Variants in TDRD12 observed in about 807,000 individuals in gnomAD.
TDRD12 encodes tudor domain containing 12.
In TDRD12, 158 loss-of-function variants were observed where a neutral mutation model predicts 133.5. That is an observed-to-expected ratio of 1.18 (90% CI 1.04 to 1.35). TDRD12 has a LOEUF of 1.35. TDRD12 is among the 40% of genes most tolerant of loss of function. The pLI is 0.00. For synonymous variants in TDRD12, 460 were observed against 477.9 expected (o/e 0.96, Z 0.49); for missense variants, 1,443 against 1,321.3 (o/e 1.09, Z -1.43).
At chr19:32,796,042 GAGAA>G (rs1279987581) in intron 14 of TDRD12, 2 of 492,940 alleles carry the variant, frequency 4.1e-6, no homozygotes, top group East Asian at 1.5e-4. Flanking sequence ...CCATTTCACT[GAGAA>G]AGAGGTGGTG....
intron 8 of TDRD12, among the ~76,000 whole-genome samples, chr19:32,768,006 T>C (rs1370662213): frequency 6.6e-6 from 1 of 152,196 alleles, no homozygotes; most frequent in Non-Finnish European, 1.5e-5. Context: ...TTATATGAAA[T>C]TGAAATCTCA....
rs1237885106 is a variant in TDRD12 at position 32,734,101 on chromosome 19, T to C, written c.183+2218T>C. Among the ~76,000 whole-genome samples the C allele has an allele frequency of 2.0e-5, 3 of 151,950 alleles. No individual in the cohort carries two copies. The East Asian group carries it at 5.8e-4, about 29-fold the overall frequency. ...TAGTAGAGATGGGATTTCACCCTGGTAGCCAGGATGGTCTTGATCTCCTGA... is the reference window on the plus strand; with the variant it reads ...TAGTAGAGATGGGATTTCACCCTGGCAGCCAGGATGGTCTTGATCTCCTGA... On this transcript the variant is annotated intron_variant, in intron 2 of 27. Coordinates refer to ENST00000444215, the Ensembl canonical transcript of TDRD12.
intron 26 of TDRD12, among the ~76,000 whole-genome samples, chr19:32,816,689 T>C (rs2145744794): frequency 6.6e-6 from 1 of 152,286 alleles, no homozygotes; most frequent in African/African-American, 2.4e-5. Context: ...CCAATAGTGT[T>C]CCAAAGTGGC....
chr19:32,825,993 C>T, downstream of TDRD12: 1 of 737,888 alleles, frequency 1.4e-6, no homozygotes, highest in Non-Finnish European at 2.2e-6. The surrounding 1 kb of genome is among the most constrained non-coding windows in gnomAD (Gnocchi z 4.1). Flanking sequence ...TGTGATTCCT[C>T]ATCTAGACGT....
At chr19:32,795,874 C>A (rs1971211375) in intron 14 of TDRD12, among the ~76,000 whole-genome samples, 1 of 152,074 alleles carries the variant, frequency 6.6e-6, no homozygotes, top group Admixed American at 6.6e-5. Context: ...GTGCCACATA[C>A]CTTTAAACAC....
chr19:32,771,057 C>G (rs561265030), intron 8 of TDRD12, among the ~76,000 whole-genome samples: 98 of 152,312 alleles, frequency 6.4e-4, no homozygotes, highest in African/African-American at 2.2e-3. Context: ...ATAGAGCTGG[C>G]ATCTGCTTAT....
intron 13 of TDRD12, among the ~76,000 whole-genome samples, chr19:32,793,247 A>T (rs2145670887): frequency 6.6e-6 from 1 of 152,166 alleles, no homozygotes; most frequent in East Asian, 1.9e-4. Flanking sequence ...AGAGGTCCTT[A>T]CTCAAACTGT....
intron 19 of TDRD12, among the ~76,000 whole-genome samples, chr19:32,802,142 T>G (rs1248959616): frequency 7.0e-6 from 1 of 142,924 alleles, no homozygotes; most frequent in Non-Finnish European, 1.5e-5. Flanking sequence ...ATATATGATA[T>G]ATATTATCAT....
intron 2 of TDRD12, among the ~76,000 whole-genome samples, chr19:32,733,755 T>C (rs1376204123): frequency 6.6e-6 from 1 of 151,972 alleles, no homozygotes; most frequent in Non-Finnish European, 1.5e-5. Context: ...CGATGTGGGG[T>C]TTTCTCTCAT....
rs1285402167 is a variant in TDRD12, at chr19:32,821,173, C to A, written c.3524C>A (p.Ser1175Ter). The change falls in exon 28 of 28, where the codon TCA (serine) becomes TAA (stop). Residue 1175 changes from serine (S) to a stop codon, truncating the protein, a stop_gained. Coordinates refer to ENST00000444215, the Ensembl canonical transcript of TDRD12. LOFTEE classifies it high-confidence loss of function. ...TTGGTATTCAAAAGATGGTTAAGTTCAAATCGTTAATGTCTGGAAAATTGC... is the reference window on the plus strand; with the variant it reads ...TTGGTATTCAAAAGATGGTTAAGTTAAAATCGTTAATGTCTGGAAAATTGC... 2.0e-6 allele frequency: 3 copies of A among 1,488,630 alleles called. No homozygotes were observed. Among genetic ancestry groups the A allele is most frequent in the East Asian group, 2.5e-5 (1 of 40,662 alleles). The allele number at this position is 1,488,630 out of a possible 1,614,324, so 92.2% of individuals were successfully genotyped here. A position where few individuals can be genotyped will look rare whatever the true frequency, so the allele number is the denominator to read the frequency against.
intron 1 of TDRD12, among the ~76,000 whole-genome samples, chr19:32,722,977 G>C (rs1329277806): frequency 1.3e-5 from 2 of 151,738 alleles, no homozygotes; most frequent in African/African-American, 4.8e-5. Context: ...GCTGCACCTG[G>C]CCCCCCCATG....
At chr19:32,754,749 T>C (rs1256316483) in intron 6 of TDRD12, among the ~76,000 whole-genome samples, 1 of 144,014 alleles carries the variant, frequency 6.9e-6, no homozygotes, top group East Asian at 2.2e-4. Flanking sequence ...CAATCTTGGC[T>C]CACCGCAACC....
exon 13 of TDRD12, chr19:32,791,052 C>T: frequency 1.3e-6 from 2 of 1,536,028 alleles, no homozygotes; most frequent in Non-Finnish European, 1.7e-6. Context: ...TCGCCGCTGT[C>T]AGCAGACCTG....
chr19:32,758,846 A>G (rs1970070352), intron 8 of TDRD12, among the ~76,000 whole-genome samples: 1 of 149,342 alleles, frequency 6.7e-6, no homozygotes, highest in South Asian at 2.1e-4. Flanking sequence ...GAGGCAGGAG[A>G]ATTGCTTGAA....
At chr19:32,756,243 A>C (rs1969988350) in intron 7 of TDRD12, 62 bp downstream of exon 7, 1 of 1,320,084 alleles carries the variant, frequency 7.6e-7, no homozygotes, top group Admixed American at 4.0e-5. Context: ...CTTAGTGTAT[A>C]GATATAAGTT....
chr19:32,821,893 T>C (rs1967408664), downstream of TDRD12, among the ~76,000 whole-genome samples: 1 of 152,232 alleles, frequency 6.6e-6, no homozygotes, highest in Non-Finnish European at 1.5e-5. Flanking sequence ...TCGGCCAGGC[T>C]AATTGCACGG....
chr19:32,824,827 C>T (rs1967532117), downstream of TDRD12, among the ~76,000 whole-genome samples: 2 of 151,762 alleles, frequency 1.3e-5, no homozygotes, highest in African/African-American at 4.8e-5. Flanking sequence ...GAGGCCATGG[C>T]GCTCCTGTGA....
chr19:32,812,302 A>T (rs1967034254), intron 24 of TDRD12, among the ~76,000 whole-genome samples: 1 of 152,232 alleles, frequency 6.6e-6, no homozygotes. Context: ...ACCTGCAGCC[A>T]GTCCTGCCCA....
intron 11 of TDRD12, among the ~76,000 whole-genome samples, chr19:32,788,921 C>G (rs1047897140): frequency 6.6e-6 from 1 of 152,190 alleles, no homozygotes; most frequent in Non-Finnish European, 1.5e-5. Context: ...GTGGGAGGCA[C>G]AGGCTGGGTC....
Sources: gnomAD v4.1 joint callset for allele counts (sites outside exome capture counted in the v4.1 genomes callset) on GRCh38, gnomAD v4.1.1 for gene constraint, Gnocchi (gnomAD v3.1) non-coding constraint, MANE v1.5 for transcripts, NCBI Gene and HGNC (gene_info 2026-07-23, HGNC 2026-07-21) for gene names.